TEAD1: variants seen among roughly 807,000 people sequenced by gnomAD.
The protein encoded by TEAD1 is TEA domain transcription factor 1, also known as transcriptional enhancer factor TEF-1.
A neutral mutation model predicts 54.9 loss-of-function variants in TEAD1; 9 were observed. That is an observed-to-expected ratio of 0.16 (90% CI 0.10 to 0.29). TEAD1 has a LOEUF of 0.29. Among genes scored for constraint, TEAD1 ranks in the 10% least tolerant of loss-of-function variants. The probability of loss-of-function intolerance (pLI) is 1.00; values close to 1 mark genes in which losing one functional copy is unlikely to be tolerated. For synonymous variants in TEAD1, 200 were observed against 187.8 expected (o/e 1.07, Z -0.53); for missense variants, 387 against 535.9 (o/e 0.72, Z 2.74).
intron 3 of TEAD1, among the ~76,000 whole-genome samples, chr11:12,800,510 A>G (rs1229237230): frequency 6.6e-6 from 1 of 152,168 alleles, no homozygotes; most frequent in Non-Finnish European, 1.5e-5. Flanking sequence ...TGTGTTAGAG[A>G]TACGTTCAGA....
intron 2 of TEAD1, among the ~76,000 whole-genome samples, chr11:12,734,212 G>T (rs1263136365): frequency 6.6e-6 from 1 of 152,028 alleles, no homozygotes; most frequent in Non-Finnish European, 1.5e-5. Flanking sequence ...CCTGTGCCCA[G>T]TTATGTCTTT....
intron 3 of TEAD1, among the ~76,000 whole-genome samples, chr11:12,767,601 T>C (rs930480344): frequency 2.6e-5 from 4 of 152,158 alleles, no homozygotes; most frequent in African/African-American, 9.7e-5. Flanking sequence ...AAAGGACAAC[T>C]CTATGATGAG....
At chr11:12,924,648 G>A (rs528692807) in intron 10 of TEAD1, among the ~76,000 whole-genome samples, 3 of 151,932 alleles carry the variant, frequency 2.0e-5, no homozygotes, top group African/African-American at 4.8e-5. Context: ...TATTGCAAGG[G>A]TATAGTAGTA....
intron 2 of TEAD1, among the ~76,000 whole-genome samples, chr11:12,751,762 T>C (rs1424911006): frequency 6.6e-6 from 1 of 152,000 alleles, no homozygotes; most frequent in East Asian, 1.9e-4. Flanking sequence ...ATAGCATAAA[T>C]AGAAGGTGGG....
At chr11:12,904,425 A>G (rs989635261) in intron 10 of TEAD1, among the ~76,000 whole-genome samples, 2 of 152,208 alleles carry the variant, frequency 1.3e-5, no homozygotes, top group African/African-American at 4.8e-5. Flanking sequence ...ATATTGACAA[A>G]ATGTAATTTG....
chr11:12,780,789 C>G (rs1309886233), intron 3 of TEAD1, among the ~76,000 whole-genome samples: 3 of 152,162 alleles, frequency 2.0e-5, no homozygotes, highest in Non-Finnish European at 4.4e-5. Context: ...ACAAATTGAT[C>G]TACAGATTCA....
intron 3 of TEAD1, among the ~76,000 whole-genome samples, chr11:12,801,324 G>T (rs558777815): frequency 5.6e-4 from 86 of 152,242 alleles, no homozygotes; most frequent in Non-Finnish European, 9.7e-4. Context: ...GGGTGGACGG[G>T]GCCACAGCTC....
At position 12,941,902 on chromosome 11, in the gene TEAD1, C is replaced by T. The variant is rs754729370; in HGVS notation, c.*4680C>T. The T allele has an allele frequency of 4.6e-5, 7 of 152,552 alleles. No homozygotes were observed. The highest frequency in any genetic ancestry group is 7.3e-5 in the Non-Finnish European group (5 of 68,030). The allele number at this position is 152,552 out of a possible 1,614,324, so 9.4% of individuals were successfully genotyped here. On this transcript the variant is annotated 3_prime_UTR_variant, in exon 13 of 13. Transcript: ENST00000527636. ...TGCCTTAGTAATACCTTAGTCATGC[C>T]GCCAGCCTTTTCTTACACCAATTCC...
intron 5 of TEAD1, among the ~76,000 whole-genome samples, chr11:12,865,759 G>A (rs1947603818): frequency 6.6e-6 from 1 of 151,706 alleles, no homozygotes; most frequent in Admixed American, 6.6e-5. Flanking sequence ...TTATTTTTCT[G>A]TAATGCCCTA....
intron 3 of TEAD1, among the ~76,000 whole-genome samples, chr11:12,812,946 C>T (rs573021582): frequency 4.6e-5 from 7 of 152,192 alleles, no homozygotes; most frequent in Non-Finnish European, 8.8e-5. Flanking sequence ...TAGCAGCCTC[C>T]TGGCACAAAG....
chr11:12,688,389 T>C (rs1590053165), intron 2 of TEAD1, among the ~76,000 whole-genome samples: 1 of 152,324 alleles, frequency 6.6e-6, no homozygotes, highest in East Asian at 1.9e-4. Flanking sequence ...TACAATCTTT[T>C]CCTCCTGTCT....
At chr11:12,792,898 A>T (rs897927396) in intron 3 of TEAD1, among the ~76,000 whole-genome samples, 4 of 152,130 alleles carry the variant, frequency 2.6e-5, no homozygotes, top group African/African-American at 4.8e-5. Context: ...TCTACAAAAA[A>T]TTAAAAAATT....
intron 9 of TEAD1, among the ~76,000 whole-genome samples, chr11:12,893,274 G>A (rs1769489442): frequency 1.3e-5 from 2 of 152,140 alleles, no homozygotes; most frequent in African/African-American, 4.8e-5. Context: ...CTTCCAGCAG[G>A]ACGTAGGAGA....
chr11:12,830,981 A>G (rs1226376130), intron 3 of TEAD1, among the ~76,000 whole-genome samples: 1 of 151,878 alleles, frequency 6.6e-6, no homozygotes, highest in East Asian at 1.9e-4. Context: ...CTGCCGCAGG[A>G]CCTCAGTGCT....
rs575035817 is a variant in TEAD1 at position 12,871,982 on chromosome 11, C to T, written c.330+7082C>T. 3.9e-5 allele frequency among the ~76,000 whole-genome samples: 6 copies of T among 152,294 alleles called. No individual in the cohort carries two copies. The East Asian group carries it at 1.2e-3, about 29-fold the overall frequency. On this transcript the variant is annotated intron_variant, in intron 5 of 12. Coordinates refer to ENST00000527636, the MANE Select transcript of TEAD1 (RefSeq NM_021961.6). The stretch of plus-strand genomic sequence containing the variant: ...TCGCCGGTGACTAATTTATGAGCTA[C>T]ATGTGCTCCCCCGGGGCCATTTTCT...
chr11:12,905,953 G>A (rs1008696082), intron 10 of TEAD1, among the ~76,000 whole-genome samples: 2 of 152,174 alleles, frequency 1.3e-5, no homozygotes, highest in Middle Eastern at 6.3e-3. Context: ...AGGCACCTCA[G>A]TTCTGCCAGT....
chr11:12,733,373 C>T (rs1281622099), intron 2 of TEAD1, among the ~76,000 whole-genome samples: 3 of 152,124 alleles, frequency 2.0e-5, no homozygotes, highest in Admixed American at 2.0e-4. Context: ...AGCTCTGGGG[C>T]CCCTGCTTCC....
chr11:12,781,982 AAG>A (rs1945560742), intron 3 of TEAD1, among the ~76,000 whole-genome samples: 20 of 135,088 alleles, frequency 1.5e-4, no homozygotes, highest in African/African-American at 6.5e-4. Context: ...GAAAGAAAAA[AAG>A]AAAAAGAAAA....
intron 9 of TEAD1, among the ~76,000 whole-genome samples, chr11:12,885,129 T>A (rs535577517): frequency 1.1e-4 from 16 of 152,286 alleles, no homozygotes; most frequent in African/African-American, 3.8e-4. Context: ...ACTAAGTGAC[T>A]TAAGATTAAA....
Sources: gnomAD v4.1 joint callset for allele counts (sites outside exome capture counted in the v4.1 genomes callset) on GRCh38, gnomAD v4.1.1 for gene constraint, MANE v1.5 for transcripts, NCBI Gene and HGNC (gene_info 2026-07-23, HGNC 2026-07-21) for gene names.